Variants in PPP4R3B observed in about 807,000 individuals in gnomAD.
PPP4R3B encodes the protein serine/threonine-protein phosphatase 4 regulatory subunit 3B.
In PPP4R3B, 52 loss-of-function variants were observed where a neutral mutation model predicts 95.4. That is an observed-to-expected ratio of 0.54 (90% CI 0.44 to 0.69). The LOEUF (loss-of-function observed/expected upper bound fraction) is 0.69. Ranked by LOEUF, PPP4R3B falls within the 30% of genes least tolerant of loss-of-function variation. The probability of loss-of-function intolerance (pLI) is 0.00; values close to 1 mark genes in which losing one functional copy is unlikely to be tolerated. For synonymous variants in PPP4R3B, 407 were observed against 343.9 expected, an observed-to-expected ratio of 1.18 and a Z score of -2.03; for missense variants, 1,003 against 1,005.9, an observed-to-expected ratio of 1.00 and a Z score of 0.04.
rs533226058 is a variant in PPP4R3B, at chr2:55,609,357, C to T, written c.199-5281G>A. ...TAGAATCTCCTGCCGGAAAGTCTCA[C>T]CCTATCTCTATTCCCAGATGTTCAT... is the stretch of plus-strand genomic sequence containing the variant. On this transcript the variant is annotated intron_variant, in intron 2 of 16. Transcript: ENST00000616407. 2.4e-4 allele frequency among the ~76,000 whole-genome samples: 36 copies of T among 152,242 alleles called. 1 individual carries two copies. The highest frequency in any genetic ancestry group is 7.7e-4 in the African/African-American group (32 of 41,544).
intron 13 of PPP4R3B, among the ~76,000 whole-genome samples, chr2:55,565,487 G>A (rs1199934266): frequency 6.6e-6 from 1 of 152,020 alleles, no homozygotes; most frequent in Non-Finnish European, 1.5e-5. Flanking sequence ...CGGCTGGTTA[G>A]AGGGCAGATG....
rs757432276 is a variant in PPP4R3B at position 55,617,457 on chromosome 2, G to C, written c.-172C>G. 4.5e-6 allele frequency: 3 copies of C among 660,364 alleles called. No homozygotes were observed. The highest frequency in any genetic ancestry group is 6.9e-6 in the Non-Finnish European group (3 of 435,536). 40.9% of individuals were successfully genotyped at this position (660,364 alleles called of 1,614,324 possible). A position where few individuals can be genotyped will look rare whatever the true frequency, so the allele number is the denominator to read the frequency against. ...TCAGCCGCGAGAAGGGGTGACAAGA[G>C]CCACTGAGGCCTCTCCGCCCGGAGG... On this transcript the variant is annotated 5_prime_UTR_variant, in exon 1 of 17. Coordinates refer to ENST00000616407, the MANE Select transcript of PPP4R3B (RefSeq NM_001122964.3).
intron 16 of PPP4R3B, 74 bp from the exon 17 acceptor site, chr2:55,550,080 T>C (rs181722685): frequency 1.1e-6 from 1 of 914,080 alleles, no homozygotes; most frequent in East Asian, 2.6e-5. Flanking sequence ...ATACAATCAC[T>C]TGTAAAAATA....
chr2:55,584,987 A>G (rs1689950119), intron 7 of PPP4R3B, 64 bp downstream of exon 7: 5 of 1,133,816 alleles, frequency 4.4e-6, no homozygotes, highest in East Asian at 5.2e-5. Flanking sequence ...TTTTTCTCTC[A>G]ATAGTTTGCA....
chr2:55,564,821 A>C, intron 14 of PPP4R3B, 81 bp downstream of exon 14: 3 of 1,533,744 alleles, frequency 2.0e-6, no homozygotes, highest in South Asian at 2.4e-5. Flanking sequence ...TTCCTCAGTA[A>C]ATTTCACATG....
chr2:55,616,392 C>G (rs1694929774), intron 1 of PPP4R3B: 1 of 152,118 alleles, frequency 6.6e-6, no homozygotes. Flanking sequence ...TTCTAACTGC[C>G]TATATCAGTT....
intron 13 of PPP4R3B, 76 bp downstream of exon 13, chr2:55,568,118 T>TTACATGTAATTTC: frequency 9.7e-7 from 1 of 1,032,954 alleles, no homozygotes; most frequent in Non-Finnish European, 1.3e-6. Flanking sequence ...GTCACTTTGC[T>TTACATGTAATTTC]TACATGTAAT....
Position 55,617,380 on chromosome 2 carries a change from T to TGGCGGCGGC in PPP4R3B, c.-104_-96dup. On this transcript the variant is annotated 5_prime_UTR_variant, in exon 1 of 17. Transcript: ENST00000616407. ...GAGACGGTAAAGGCAGTAGTGGCGG[T>TGGCGGCGGC]GGCGGCGGCGGCGGCTTCGGAGAGG... is the stretch of plus-strand genomic sequence containing the variant. The TGGCGGCGGC allele has an allele frequency of 2.4e-5, 33 of 1,356,066 alleles. No individual in the cohort carries two copies. The highest frequency in any genetic ancestry group is 3.2e-5 in the Non-Finnish European group (33 of 1,041,200). 84.0% of individuals were successfully genotyped at this position (1,356,066 alleles called of 1,614,324 possible).
rs193257838 is a variant in PPP4R3B, at chr2:55,560,238, C to G, written c.2261-1270G>C. Among the ~76,000 whole-genome samples, 385 of 152,252 alleles carry G rather than the reference C, an allele frequency of 2.5e-3. 13 individuals carry two copies. Among genetic ancestry groups the G allele is most frequent in the Admixed American group, 0.021 (327 of 15,290 alleles). ...GAAGATATGGGAAAGTCTGGAACTT[C>G]CTAAAGACTTGTTGACTGGTTTTGA... On this transcript the variant is annotated intron_variant, in intron 15 of 16. Coordinates refer to ENST00000616407, the MANE Select transcript of PPP4R3B (RefSeq NM_001122964.3).
Position 55,579,742 on chromosome 2 carries a change from G to T in PPP4R3B, c.1405C>A (p.His469Asn), listed in dbSNP as rs1272578467. ...GGTGCTGTGAGAACATGCATACAAT[G>T]GTTGTAGAAAAAATTTAGAAATTCA... ...KSEFLNFFYNHCMHVLTAPLL... is the reference protein window; with the variant it reads ...KSEFLNFFYNNCMHVLTAPLL... Residue 469 changes from histidine (H) to asparagine (N), a missense_variant, in exon 9 of 17, where the codon CAT becomes AAT. His to Asn is a moderately conservative substitution (Grantham distance 68). Coordinates refer to ENST00000616407, the MANE Select transcript of PPP4R3B (RefSeq NM_001122964.3). 1 of 1,604,760 alleles carries T rather than the reference G, an allele frequency of 6.2e-7. No homozygotes were observed. The highest frequency in any genetic ancestry group is 1.7e-5 in the Admixed American group (1 of 58,680).
chr2:55,598,529 G>A lies in PPP4R3B; in HGVS notation c.808C>T (p.Gln270Ter), dbSNP rs747764263. The change falls in exon 4 of 17, where the codon CAG (glutamine) becomes TAG (stop). Residue 270 changes from glutamine (Q) to a stop codon, truncating the protein, a stop_gained. Coordinates refer to ENST00000616407, the MANE Select transcript of PPP4R3B (RefSeq NM_001122964.3). LOFTEE classifies it high-confidence loss of function. Reference protein sequence around the residue: ...RQKIHQTYRVQYIQDIILPTP... With the variant: ...RQKIHQTYRV ...GGCAAAATGATGTCCTGAATGTACT[G>A]TACCCTGTAAGTCTGATGTATTTTT... The A allele has an allele frequency of 1.2e-6, 2 of 1,614,110 alleles. No individual in the cohort carries two copies. Among genetic ancestry groups the A allele is most frequent in the South Asian group, 1.1e-5 (1 of 91,078 alleles).
chr2:55,556,541 A>G (rs1298664809), intron 16 of PPP4R3B, among the ~76,000 whole-genome samples: 1 of 151,994 alleles, frequency 6.6e-6, no homozygotes, highest in African/African-American at 2.4e-5. Context: ...ATCTTTGTGG[A>G]GGGGAACAGA....
In PPP4R3B at chr2:55,617,400, G is replaced by T; in HGVS notation, c.-115C>A. On this transcript the variant is annotated 5_prime_UTR_variant, in exon 1 of 17. Coordinates refer to ENST00000616407, the MANE Select transcript of PPP4R3B (RefSeq NM_001122964.3). ...GGCGGTGGCGGCGGCGGCGGCTTCG[G>T]AGAGGCCCGAATTCACCATGGCTCC... The T allele has an allele frequency of 8.0e-7, 1 of 1,247,104 alleles. No individual in the cohort carries two copies. Among genetic ancestry groups the T allele is most frequent in the Non-Finnish European group, 1.1e-6 (1 of 946,882 alleles). The allele number at this position is 1,247,104 out of a possible 1,614,324, so 77.3% of individuals were successfully genotyped here.
intron 16 of PPP4R3B, among the ~76,000 whole-genome samples, chr2:55,553,883 G>C (rs529787596): frequency 6.6e-6 from 1 of 151,984 alleles, no homozygotes; most frequent in South Asian, 2.1e-4. Flanking sequence ...CTTACTTTTT[G>C]GCTATTATGA....
At chr2:55,588,987 T>G (rs1690578823) in intron 4 of PPP4R3B, 31 bp from the exon 5 acceptor site, 1 of 1,343,118 alleles carries the variant, frequency 7.4e-7, no homozygotes, top group African/African-American at 1.5e-5. Flanking sequence ...CTATGAAATA[T>G]TAACAAAAGA....
chr2:55,591,507 C>G, intron 4 of PPP4R3B: 2 of 981,674 alleles, frequency 2.0e-6, no homozygotes, highest in African/African-American at 1.7e-5. Flanking sequence ...ATATTTACCT[C>G]CATTCACACC....
intron 11 of PPP4R3B, among the ~76,000 whole-genome samples, chr2:55,574,048 T>C (rs868750283): frequency 1.8e-4 from 28 of 151,694 alleles, no homozygotes; most frequent in Admixed American, 9.9e-4. Flanking sequence ...GCCACCATGC[T>C]AGCTAATTTT....
intron 15 of PPP4R3B, among the ~76,000 whole-genome samples, chr2:55,563,637 G>A (rs1451820641): frequency 6.6e-6 from 1 of 152,116 alleles, no homozygotes; most frequent in African/African-American, 2.4e-5. Context: ...GTCTCCCAAA[G>A]TGCTGGGATT....
chr2:55,577,320 C>T lies in PPP4R3B; in HGVS notation c.1601G>A (p.Cys534Tyr), dbSNP rs755193885. ...AAGTATGAATTCATACTTACCGGGA[C>T]AAATTGTGTTGTTTTTGTTTGATCC... ...IVGSNKNNTI[C>Y]PDNYQTAQLL... The change falls in exon 11 of 17, where the codon TGT becomes TAT. Residue 534 changes from cysteine to tyrosine, a missense_variant. Cys to Tyr is a radical substitution (Grantham distance 194, BLOSUM62 -2). Transcript: ENST00000616407. 1 of 1,547,924 alleles carries T rather than the reference C, an allele frequency of 6.5e-7. No homozygotes were observed. Among genetic ancestry groups the T allele is most frequent in the African/African-American group, 1.4e-5 (1 of 71,398 alleles).
Sources: gnomAD v4.1 joint callset for allele counts (sites outside exome capture counted in the v4.1 genomes callset) on GRCh38, gnomAD v4.1.1 for gene constraint, MANE v1.5 for transcripts, NCBI Gene and HGNC (gene_info 2026-07-23, HGNC 2026-07-21) for gene names.